The following RFC3 variants were observed in gnomAD, a reference collection of about 807,000 sequenced individuals.
RFC3 encodes A1 38 kDa subunit.
A neutral mutation model predicts 45.1 loss-of-function variants in RFC3; 41 were observed. The ratio of observed to expected loss-of-function variants is 0.91; its 90% CI spans 0.71 to 1.18. The LOEUF (loss-of-function observed/expected upper bound fraction) is 1.18. RFC3 is among the 50% of genes most tolerant of loss of function. The pLI is 0.00. For synonymous variants in RFC3, 149 were observed against 144.0 expected (o/e 1.03, Z -0.25); for missense variants, 423 against 428.1 (o/e 0.99, Z 0.10).
chr13:33,912,645 C>T (rs1434858056), intron 8 of RFC3, among the ~76,000 whole-genome samples: 1 of 151,834 alleles, frequency 6.6e-6, no homozygotes. Context: ...GGTATAGAAG[C>T]CGGATATGAA....
Position 33,830,858 on chromosome 13 carries a change from G to T in RFC3, c.710+3G>T. 1 of 1,609,630 alleles carries T rather than the reference G, an allele frequency of 6.2e-7. No homozygotes were observed. Among genetic ancestry groups the T allele is most frequent in the Non-Finnish European group, 8.5e-7 (1 of 1,178,576 alleles). ...TGTGAAGCCTGCAGAGTGCAACAGT[G>T]AGTGGAAGGGGTAGTTACATTCTAG... On this transcript the variant is annotated splice_donor_region_variant and intron_variant, in intron 6 of 8. Transcript: ENST00000380071.
At chr13:33,904,996 T>C (rs568374186) in intron 8 of RFC3, among the ~76,000 whole-genome samples, 122 of 152,234 alleles carry the variant, frequency 8.0e-4, no homozygotes, top group African/African-American at 2.9e-3. Flanking sequence ...AAGGCAGCAA[T>C]TATCTTTGGT....
intron 8 of RFC3, among the ~76,000 whole-genome samples, chr13:33,862,255 G>GTT (rs142905743): frequency 0.7 from 94,824 of 134,842 alleles, 35,146 homozygotes; most frequent in Non-Finnish European, 0.83. Flanking sequence ...TCTCAGCAAA[G>GTT]TTTTTTTTTT....
the RFC3 span, among the ~76,000 whole-genome samples, chr13:33,976,392 TG>T: frequency 6.6e-6 from 1 of 152,024 alleles, no homozygotes; most frequent in African/African-American, 2.4e-5. Context: ...GAGGGTAGAA[TG>T]GGGGTTATCA....
chr13:33,902,963 A>T (rs547307025), intron 8 of RFC3, among the ~76,000 whole-genome samples: 1 of 152,176 alleles, frequency 6.6e-6, no homozygotes, highest in East Asian at 1.9e-4. Flanking sequence ...AAGAAAATTT[A>T]TGAATTTGTC....
At chr13:33,969,648 T>C (rs1005750134), downstream of RFC3, among the ~76,000 whole-genome samples, 9 of 152,164 alleles carry the variant, frequency 5.9e-5, no homozygotes, top group African/African-American at 1.9e-4. Flanking sequence ...AAGAGCACAA[T>C]AGAAAGATTC....
intron 8 of RFC3, among the ~76,000 whole-genome samples, chr13:33,855,299 T>C (rs1002481445): frequency 3.9e-5 from 6 of 152,140 alleles, no homozygotes; most frequent in African/African-American, 1.4e-4. Context: ...ACAGGAAACA[T>C]AGATGGATTT....
At chr13:33,892,049 A>AATG (rs1360412961) in intron 8 of RFC3, among the ~76,000 whole-genome samples, 3 of 152,180 alleles carry the variant, frequency 2.0e-5, no homozygotes. Context: ...ATAACCAAAC[A>AATG]ATTTGGTCAG....
intron 8 of RFC3, among the ~76,000 whole-genome samples, chr13:33,921,549 A>G (rs1470285129): frequency 2.0e-5 from 3 of 152,092 alleles, no homozygotes; most frequent in Admixed American, 1.3e-4. Context: ...GCTGTTTTTA[A>G]GGAGGAGATT....
chr13:33,847,626 C>CA (rs2082247765), intron 8 of RFC3: 1 of 151,732 alleles, frequency 6.6e-6, no homozygotes, highest in African/African-American at 2.4e-5. Flanking sequence ...CCTCATCTTG[C>CA]ACCCTCTCTT....
intron 8 of RFC3, among the ~76,000 whole-genome samples, chr13:33,902,575 A>G (rs1358811948): frequency 6.6e-6 from 1 of 152,118 alleles, no homozygotes; most frequent in Non-Finnish European, 1.5e-5. Flanking sequence ...TACTGTGTAT[A>G]TCAGATAGTT....
chr13:33,953,813 T>C (rs2083004724), intron 8 of RFC3, among the ~76,000 whole-genome samples: 1 of 152,210 alleles, frequency 6.6e-6, no homozygotes, highest in Non-Finnish European at 1.5e-5. Flanking sequence ...GGAATTTTGA[T>C]GCGACATTTT....
At chr13:33,924,705 ATGTGTGTGTGTG>A in intron 8 of RFC3, among the ~76,000 whole-genome samples, 1 of 139,844 alleles carries the variant, frequency 7.2e-6, no homozygotes, top group Non-Finnish European at 1.6e-5. Context: ...CATTGTGTGT[ATGTGTGTGTGTG>A]TGTGTGTGTG....
At chr13:33,862,255 GTT>G (rs142905743) in intron 8 of RFC3, among the ~76,000 whole-genome samples, 2 of 134,894 alleles carry the variant, frequency 1.5e-5, no homozygotes, top group African/African-American at 2.7e-5. Flanking sequence ...TCTCAGCAAA[GTT>G]TTTTTTTTTT....
At chr13:33,822,634 G>A (rs537142162) in intron 2 of RFC3, among the ~76,000 whole-genome samples, 10 of 152,318 alleles carry the variant, frequency 6.6e-5, no homozygotes, top group Non-Finnish European at 5.9e-5. Flanking sequence ...GGATAAGCCA[G>A]CAGTGTGTCA....
intron 8 of RFC3, among the ~76,000 whole-genome samples, chr13:33,845,164 T>C (rs1187925612): frequency 6.6e-6 from 1 of 152,196 alleles, no homozygotes; most frequent in Non-Finnish European, 1.5e-5. Context: ...TGGAGCCCCA[T>C]TGTATGTTGT....
At chr13:33,848,956 T>A (rs2082258061) in intron 8 of RFC3, 1 of 152,212 alleles carries the variant, frequency 6.6e-6, no homozygotes, top group African/African-American at 2.4e-5. Context: ...ATGGCTTTTT[T>A]AAGGTACTGG....
chr13:33,911,901 A>T (rs2082705817), intron 8 of RFC3, among the ~76,000 whole-genome samples: 1 of 152,082 alleles, frequency 6.6e-6, no homozygotes, highest in Admixed American at 6.6e-5. Flanking sequence ...CGAACAAACC[A>T]TATCCAAACT....
chr13:33,934,963 C>T (rs920492826), intron 8 of RFC3, among the ~76,000 whole-genome samples: 4 of 152,106 alleles, frequency 2.6e-5, no homozygotes, highest in African/African-American at 9.7e-5. Context: ...TTGTGATGCA[C>T]CCTGCTGAAC....
Sources: allele counts gnomAD v4.1 joint callset (sites outside exome capture counted in the v4.1 genomes callset), GRCh38; gene constraint gnomAD v4.1.1; transcripts MANE v1.5; gene names NCBI Gene and HGNC (gene_info 2026-07-23, HGNC 2026-07-21).